Variants in UNC5C observed in about 807,000 individuals in gnomAD.
UNC5C encodes the protein unc-5 netrin receptor C.
In UNC5C, 47 loss-of-function variants were observed where a neutral mutation model predicts 99.8. That is an observed-to-expected ratio of 0.47 (90% CI 0.37 to 0.60). The LOEUF (loss-of-function observed/expected upper bound fraction) is 0.60, where lower values mean the gene tolerates loss of function less well. Among genes scored for constraint, UNC5C ranks in the 20% least tolerant of loss-of-function variants. The pLI is 0.00. For synonymous variants in UNC5C, 487 were observed against 452.2 expected (o/e 1.08, Z -0.98); for missense variants, 1,062 against 1,165.9 (o/e 0.91, Z 1.30).
chr4:95,452,432 C>T (rs1315579907), intron 1 of UNC5C, among the ~76,000 whole-genome samples: 2 of 152,114 alleles, frequency 1.3e-5, no homozygotes, highest in Admixed American at 6.5e-5. Flanking sequence ...TCTTTCTCCA[C>T]CCCAGACCAC....
intron 1 of UNC5C, among the ~76,000 whole-genome samples, chr4:95,365,797 A>T (rs1235401158): frequency 6.6e-6 from 1 of 152,174 alleles, no homozygotes; most frequent in African/African-American, 2.4e-5. Flanking sequence ...GTTGTCTGGG[A>T]TGACTGATGA....
Position 95,305,817 on chromosome 4 carries a change from A to G in UNC5C, c.347-4068T>C, listed in dbSNP as rs572301017. ...TGCACTTGTTAATAATACATTTCAAATGAATATAGAAATTCAGATTCAAAT... is the reference window on the plus strand; with the variant it reads ...TGCACTTGTTAATAATACATTTCAAGTGAATATAGAAATTCAGATTCAAAT... On this transcript the variant is annotated intron_variant, in intron 2 of 15. Coordinates refer to ENST00000453304, the MANE Select transcript of UNC5C (RefSeq NM_003728.4). Among the ~76,000 whole-genome samples the G allele has an allele frequency of 5.3e-5, 8 of 152,320 alleles. No homozygotes were observed. The East Asian group carries it at 1.4e-3, about 26-fold the overall frequency.
intron 1 of UNC5C, among the ~76,000 whole-genome samples, chr4:95,453,937 C>T (rs1283361199): frequency 2.6e-5 from 4 of 151,904 alleles, no homozygotes; most frequent in East Asian, 1.9e-4. Context: ...AAAATTAAAA[C>T]GATTGAAATC....
chr4:95,357,832 T>C (rs1239838381), intron 1 of UNC5C, among the ~76,000 whole-genome samples: 3 of 151,880 alleles, frequency 2.0e-5, no homozygotes, highest in Non-Finnish European at 4.4e-5. Context: ...CAAAAAACAC[T>C]AATAGTAACA....
chr4:95,384,972 A>C (rs1314408884), intron 1 of UNC5C, among the ~76,000 whole-genome samples: 1 of 152,140 alleles, frequency 6.6e-6, no homozygotes, highest in African/African-American at 2.4e-5. Context: ...ATGTACAGAT[A>C]GGACAGGGTT....
intron 2 of UNC5C, among the ~76,000 whole-genome samples, chr4:95,332,412 T>C (rs1371888172): frequency 3.4e-5 from 5 of 147,848 alleles, no homozygotes; most frequent in African/African-American, 9.8e-5. Context: ...TCAGAAATAA[T>C]GCCACATATC....
In UNC5C at chr4:95,487,281, A is replaced by C. The variant is rs572911211; in HGVS notation, c.124+61453T>G. Among the ~76,000 whole-genome samples the C allele has an allele frequency of 1.9e-3, 286 of 151,912 alleles. 4 individuals carry two copies. The highest frequency in any genetic ancestry group is 6.7e-3 in the African/African-American group (278 of 41,510). ...CACAATGAACAGTACATGCTTGTTG[A>C]ATAAACAAAGGAGTGCATAAATAGT... On this transcript the variant is annotated intron_variant, in intron 1 of 15. Transcript: ENST00000453304.
At chr4:95,188,184 T>C (rs1178333443) in intron 12 of UNC5C, among the ~76,000 whole-genome samples, 1 of 152,156 alleles carries the variant, frequency 6.6e-6, no homozygotes, top group Non-Finnish European at 1.5e-5. Context: ...GACTGCTGGC[T>C]CAGACAGCTT....
chr4:95,368,388 T>C (rs1220024185), intron 1 of UNC5C, among the ~76,000 whole-genome samples: 1 of 150,448 alleles, frequency 6.6e-6, no homozygotes, highest in Non-Finnish European at 1.5e-5. Flanking sequence ...TGGTAAGAAT[T>C]ATCAATTCAT....
intron 4 of UNC5C, among the ~76,000 whole-genome samples, chr4:95,251,602 A>G (rs1048116983): frequency 6.6e-6 from 1 of 152,190 alleles, no homozygotes; most frequent in Non-Finnish European, 1.5e-5. Context: ...AGTTTTTTCC[A>G]TAAAGCAAAA....
Position 95,169,364 on chromosome 4 carries a change from G to A in UNC5C, c.2666C>T (p.Thr889Ile), listed in dbSNP as rs1219851648. 1.2e-6 allele frequency: 2 copies of A among 1,614,238 alleles called. No individual in the cohort carries two copies. The highest frequency in any genetic ancestry group is 8.5e-7 in the Non-Finnish European group (1 of 1,180,024). ...TTCCCAAAGATCCAGGATTACGCCA[G>A]TTGGGCTGGATTTGGTGGCAAAGTA... Reference protein sequence around the residue: ...LNYFATKSSPTGVILDLWEAQ... With the variant: ...LNYFATKSSPIGVILDLWEAQ... Residue 889 changes from threonine (T) to isoleucine (I), a missense_variant, in exon 16 of 16, where the codon ACT becomes ATT. This residue lies in a region of UNC5C where 810 missense variants were observed against 854.5 expected (regional missense o/e 0.95). Coordinates refer to ENST00000453304, the MANE Select transcript of UNC5C (RefSeq NM_003728.4).
intron 10 of UNC5C, among the ~76,000 whole-genome samples, chr4:95,211,505 C>T (rs1037525259): frequency 6.6e-6 from 1 of 152,154 alleles, no homozygotes; most frequent in Non-Finnish European, 1.5e-5. Context: ...TTTAAGGATG[C>T]TGTTCACTGC....
At chr4:95,232,279 T>TA (rs1738942760) in intron 7 of UNC5C, among the ~76,000 whole-genome samples, 1 of 150,418 alleles carries the variant, frequency 6.6e-6, no homozygotes, top group African/African-American at 2.4e-5. Context: ...AAACATATTA[T>TA]ATATGTTTTA....
At chr4:95,258,315 C>CT (rs1188419035) in intron 4 of UNC5C, among the ~76,000 whole-genome samples, 8 of 152,158 alleles carry the variant, frequency 5.3e-5, no homozygotes, top group Non-Finnish European at 7.4e-5. Context: ...CATTTCAATG[C>CT]TTTTTGTTGA....
chr4:95,525,748 T>C (rs954860091), intron 1 of UNC5C, among the ~76,000 whole-genome samples: 2 of 152,106 alleles, frequency 1.3e-5, no homozygotes, highest in African/African-American at 2.4e-5. Flanking sequence ...ATAGAGTAAC[T>C]ACTCTACTCA....
chr4:95,185,089 G>A lies in UNC5C; in HGVS notation c.2244C>T (p.Ile748=), dbSNP rs143643587. The A allele has an allele frequency of 4.7e-5, 76 of 1,613,832 alleles. No homozygotes were observed. Among genetic ancestry groups the A allele is most frequent in the African/African-American group, 3.6e-4 (27 of 75,004 alleles). ...THNLRLSIHD[I]AHSLWKSKLL... ...ATTTGCTCTTCCAGAGGGAATGGGC[G>A]ATATCGTGAATTGACAGGCGCAGGT... is the stretch of plus-strand genomic sequence containing the variant. Residue 748 remains isoleucine, a synonymous_variant, in exon 13 of 16, where the codon ATC becomes ATT. Transcript: ENST00000453304.
At chr4:95,333,163 C>T (rs537144333) in intron 2 of UNC5C, among the ~76,000 whole-genome samples, 13 of 152,204 alleles carry the variant, frequency 8.5e-5, no homozygotes, top group South Asian at 2.1e-4. Context: ...GTCAGTGTGG[C>T]GATTCCTCAG....
intron 4 of UNC5C, among the ~76,000 whole-genome samples, chr4:95,259,431 T>C (rs73837516): frequency 0.04 from 6,095 of 152,198 alleles, 390 homozygotes; most frequent in African/African-American, 0.14. Context: ...AAGAAAAATA[T>C]TTAACACCTG....
chr4:95,484,557 T>C (rs916698483), intron 1 of UNC5C, among the ~76,000 whole-genome samples: 5 of 151,852 alleles, frequency 3.3e-5, no homozygotes, highest in African/African-American at 7.2e-5. Flanking sequence ...GGTCTCTTTC[T>C]TCCCTGCTGC....
Sources: allele counts gnomAD v4.1 joint callset (sites outside exome capture counted in the v4.1 genomes callset), GRCh38; gene constraint gnomAD v4.1.1; regional missense constraint gnomAD v4.1.1; transcripts MANE v1.5; gene names NCBI Gene and HGNC (gene_info 2026-07-23, HGNC 2026-07-21).